Variants in TMEM51 observed in about 807,000 individuals in gnomAD.
The protein encoded by TMEM51 is transmembrane protein 51.
In TMEM51, 8 loss-of-function variants were observed where a neutral mutation model predicts 13.6. The observed-to-expected ratio is 0.59, with a 90% CI of 0.35 to 1.07. The LOEUF (loss-of-function observed/expected upper bound fraction) is 1.07. Ranked by LOEUF, TMEM51 falls within the 50% of genes least tolerant of loss-of-function variation. The probability of loss-of-function intolerance (pLI) is 0.02; values close to 1 mark genes in which losing one functional copy is unlikely to be tolerated. For missense variants in TMEM51, 279 were observed against 330.7 expected (o/e 0.84, Z 1.21); for synonymous variants, 147 against 144.4 (o/e 1.02, Z -0.13).
At chr1:15,160,549 CA>C (rs1424802249) in intron 1 of TMEM51, among the ~76,000 whole-genome samples, 3 of 152,038 alleles carry the variant, frequency 2.0e-5, no homozygotes, top group Admixed American at 2.0e-4. Context: ...GCTAGGATTA[CA>C]GGCGTGAGCC....
rs1444521948 is a variant in TMEM51, at chr1:15,161,453, C to T, written c.-267+7499C>T. On this transcript the variant is annotated intron_variant, in intron 1 of 3. Transcript: ENST00000376008. This position sits in a 1 kb window ranked among gnomAD's most constrained non-coding sequence, Gnocchi z 4.0. Reference sequence around the variant, plus strand: ...CTGGAAAGCAGAGGTTGCAGTGAGCCGAGATCGTGCCACTGAACTCCAGCC... The same window carrying T: ...CTGGAAAGCAGAGGTTGCAGTGAGCTGAGATCGTGCCACTGAACTCCAGCC... Among the ~76,000 whole-genome samples the T allele has an allele frequency of 6.6e-6, 1 of 151,774 alleles. No homozygotes were observed. The highest frequency in any genetic ancestry group is 2.1e-4 in the South Asian group (1 of 4,816).
rs115693281 is a variant in TMEM51 at position 15,201,836 on chromosome 1, G to A, written c.-266-8654G>A. On this transcript the variant is annotated intron_variant, in intron 1 of 3. Transcript: ENST00000376008. ...ATGGGCAGGACAAACTTTCTCAAAC[G>A]GCGTCCTAATCTCCAGAATCAGAGC... is the stretch of plus-strand genomic sequence containing the variant. Among the ~76,000 whole-genome samples the A allele has an allele frequency of 8.3e-3, 1,262 of 152,204 alleles. 20 individuals carry two copies. Among genetic ancestry groups the A allele is most frequent in the African/African-American group, 0.028 (1,152 of 41,518 alleles).
At chr1:15,160,856 C>T (rs189246037) in intron 1 of TMEM51, among the ~76,000 whole-genome samples, 2 of 143,862 alleles carry the variant, frequency 1.4e-5, no homozygotes, top group Admixed American at 1.4e-4. Context: ...GAGTCAGCCC[C>T]CGCCCCCCAC....
intron 1 of TMEM51, among the ~76,000 whole-genome samples, chr1:15,182,494 G>C (rs181975236): frequency 6.6e-5 from 10 of 152,246 alleles, no homozygotes; most frequent in African/African-American, 2.4e-4. Context: ...TGGGTCTCTC[G>C]CCAACTGGCA....
intron 1 of TMEM51, among the ~76,000 whole-genome samples, chr1:15,169,866 A>C (rs1166619182): frequency 1.3e-5 from 2 of 152,190 alleles, no homozygotes; most frequent in Non-Finnish European, 2.9e-5. Context: ...ATTTACTATA[A>C]TGTTTCTAAT....
chr1:15,192,186 T>A (rs72642318), intron 1 of TMEM51: 26,831 of 394,972 alleles, frequency 0.068, 1,236 homozygotes, highest in Non-Finnish European at 0.088. Context: ...CTGCAAAGAT[T>A]TCTTCATTTT....
rs549581242 is a variant in TMEM51 at position 15,207,712 on chromosome 1, T to G, written c.-266-2778T>G. 6.6e-6 allele frequency among the ~76,000 whole-genome samples: 1 copy of G among 152,338 alleles called. No homozygotes were observed. The highest frequency in any genetic ancestry group is 2.4e-5 in the African/African-American group (1 of 41,572). On this transcript the variant is annotated intron_variant, in intron 1 of 3. Transcript: ENST00000376008. The surrounding 1 kb of genome is among the most constrained non-coding windows in gnomAD (Gnocchi z 4.6). ...GGAGCGGTGAGGCTAAAGGCTTCCATGTTCCCTGCTGACTTCCACCTGCAA... is the reference window on the plus strand; with the variant it reads ...GGAGCGGTGAGGCTAAAGGCTTCCAGGTTCCCTGCTGACTTCCACCTGCAA...
chr1:15,178,115 T>A (rs1034679532), intron 1 of TMEM51, among the ~76,000 whole-genome samples: 2 of 122,382 alleles, frequency 1.6e-5, no homozygotes, highest in African/African-American at 5.6e-5. Flanking sequence ...TTAGCTGAGT[T>A]GACCCATCAG....
chr1:15,200,123 G>A (rs1233840526), intron 1 of TMEM51, among the ~76,000 whole-genome samples: 2 of 151,952 alleles, frequency 1.3e-5, no homozygotes, highest in East Asian at 3.9e-4. Flanking sequence ...TTTACATAGG[G>A]GATCAAGGTG....
At chr1:15,202,937 T>C (rs1644183963) in intron 1 of TMEM51, among the ~76,000 whole-genome samples, 1 of 152,208 alleles carries the variant, frequency 6.6e-6, no homozygotes, top group Admixed American at 6.5e-5. Flanking sequence ...AGTTAGTCTC[T>C]GACCCCTTCT....
intron 1 of TMEM51, among the ~76,000 whole-genome samples, chr1:15,193,102 C>T (rs742669): frequency 0.16 from 24,373 of 152,152 alleles, 2,679 homozygotes; most frequent in East Asian, 0.34. Context: ...GGCACAGCAC[C>T]GGCGTAGCAG....
intron 3 of TMEM51, among the ~76,000 whole-genome samples, chr1:15,218,666 C>T (rs1411375898): frequency 6.6e-6 from 1 of 152,150 alleles, no homozygotes; most frequent in African/African-American, 2.4e-5. Flanking sequence ...AGCCAGCAAA[C>T]GGGAACGAGG....
intron 2 of TMEM51, among the ~76,000 whole-genome samples, chr1:15,213,357 A>G (rs1644371723): frequency 6.6e-6 from 1 of 152,262 alleles, no homozygotes; most frequent in African/African-American, 2.4e-5. Context: ...ACAAGAAAAT[A>G]TCTTCGCAGC....
intron 1 of TMEM51, among the ~76,000 whole-genome samples, chr1:15,183,990 G>A (rs1188708780): frequency 6.6e-6 from 1 of 152,198 alleles, no homozygotes; most frequent in Admixed American, 6.5e-5. Flanking sequence ...GGCCCTGAGT[G>A]TCTGCATTTC....
intron 2 of TMEM51, among the ~76,000 whole-genome samples, chr1:15,211,715 T>C (rs1644340676): frequency 6.7e-6 from 1 of 149,842 alleles, no homozygotes; most frequent in Admixed American, 6.8e-5. Flanking sequence ...CTTGCAGCAA[T>C]ACAATCAGAT....
chr1:15,199,299 A>AT (rs1181540229), intron 1 of TMEM51, among the ~76,000 whole-genome samples: 3 of 151,884 alleles, frequency 2.0e-5, no homozygotes, highest in African/African-American at 7.3e-5. Context: ...TGCCTGGCTG[A>AT]TTTTTTATAT....
At chr1:15,211,880 CT>C (rs1018375883) in intron 2 of TMEM51, among the ~76,000 whole-genome samples, 1 of 127,850 alleles carries the variant, frequency 7.8e-6, no homozygotes. Flanking sequence ...TACACTGTCT[CT>C]TTCATTTCAA....
chr1:15,215,554 GC>G, intron 3 of TMEM51, 123 bp downstream of exon 3: 1 of 912,736 alleles, frequency 1.1e-6, no homozygotes. Flanking sequence ...TCCCATGTTC[GC>G]CCATGACGCC....
At chr1:15,179,687 C>T (rs1028169514) in intron 1 of TMEM51, among the ~76,000 whole-genome samples, 2 of 152,060 alleles carry the variant, frequency 1.3e-5, no homozygotes, top group East Asian at 1.9e-4. Flanking sequence ...GAGGCTGAAA[C>T]GGGAAGGATG....
Sources: gnomAD v4.1 joint callset for allele counts (sites outside exome capture counted in the v4.1 genomes callset) on GRCh38, gnomAD v4.1.1 for gene constraint, Gnocchi (gnomAD v3.1) non-coding constraint, MANE v1.5 for transcripts, NCBI Gene and HGNC (gene_info 2026-07-23, HGNC 2026-07-21) for gene names.